The following KDM8 variants were observed in gnomAD, a reference collection of about 807,000 sequenced individuals.
The protein encoded by KDM8 is bifunctional peptidase and arginyl-hydroxylase JMJD5.
Under a neutral mutation model 46.9 loss-of-function variants are expected in KDM8, and 35 were observed. The ratio of observed to expected loss-of-function variants is 0.75; its 90% CI spans 0.57 to 0.99. The LOEUF (loss-of-function observed/expected upper bound fraction) is 0.99, where lower values mean the gene tolerates loss of function less well. Among genes scored for constraint, KDM8 ranks in the 50% least tolerant of loss-of-function variants. The pLI, the probability that KDM8 is intolerant of heterozygous loss-of-function variation, is 0.00. For missense variants in KDM8, 475 were observed against 537.0 expected (o/e 0.88, Z 1.14); for synonymous variants, 232 against 227.7 (o/e 1.02, Z -0.17).
Position 27,213,660 on chromosome 16 carries a change from C to T in KDM8, c.574C>T (p.Leu192Phe). ...AGTCCCCCGGCTGCACCGTCCGTCCCTCCAGCATTTCAGGGAGCAGTTTTT... is the reference window on the plus strand; with the variant it reads ...AGTCCCCCGGCTGCACCGTCCGTCCTTCCAGCATTTCAGGGAGCAGTTTTT... ...KTVPRLHRPSLQHFREQFLVP... is the reference protein window; with the variant it reads ...KTVPRLHRPSFQHFREQFLVP... Residue 192 changes from leucine to phenylalanine, a missense_variant, in exon 3 of 8, where the codon CTC (leucine) becomes TTC (phenylalanine). By Grantham distance (22) the Leu-to-Phe change is conservative. Transcript: ENST00000286096. 6.2e-7 allele frequency: 1 copy of T among 1,614,230 alleles called. No individual in the cohort carries two copies. Among genetic ancestry groups the T allele is most frequent in the South Asian group, 1.1e-5 (1 of 91,078 alleles).
Position 27,216,803 on chromosome 16 carries a change from G to A in KDM8, c.843+814G>A, listed in dbSNP as rs564429570. ...TGTCACTTGCTAAGTGAAGGAAAGG[G>A]GGATTCTAATTGATCAGGTCCCTAC... On this transcript the variant is annotated intron_variant, in intron 5 of 7. Transcript: ENST00000286096. 1.6e-3 allele frequency among the ~76,000 whole-genome samples: 250 copies of A among 152,214 alleles called. 1 individual carries two copies. Among genetic ancestry groups the A allele is most frequent in the South Asian group, 6.4e-3 (31 of 4,816 alleles).
chr16:27,204,290 C>T, intron 1 of KDM8: 11 of 1,396,650 alleles, frequency 7.9e-6, no homozygotes, highest in Non-Finnish European at 1.0e-5. Context: ...TAGGAATCGC[C>T]GTGCTCAGGA....
intron 6 of KDM8, 98 bp from the exon 7 acceptor site, chr16:27,220,295 C>A: frequency 2.1e-6 from 2 of 961,466 alleles, no homozygotes; most frequent in South Asian, 1.3e-5. Context: ...GCAGGCTGGG[C>A]CCAGGGAGCA....
chr16:27,213,473 G>A, intron 2 of KDM8, 112 bp from the exon 3 acceptor site: 1 of 1,014,940 alleles, frequency 9.9e-7, no homozygotes, highest in Admixed American at 2.2e-5. Context: ...TGTTGTTACT[G>A]GTACTCTTGA....
At chr16:27,207,782 T>A (rs1390125494) in intron 1 of KDM8, among the ~76,000 whole-genome samples, 1 of 152,174 alleles carries the variant, frequency 6.6e-6, no homozygotes, top group Non-Finnish European at 1.5e-5. Context: ...ACAGGGTCTT[T>A]ACATGTTGCC....
chr16:27,215,901 A>G (rs760435303), intron 4 of KDM8, 44 bp from the exon 5 acceptor site: 18 of 1,608,734 alleles, frequency 1.1e-5, no homozygotes, highest in South Asian at 6.6e-5. Flanking sequence ...TGTCATGACT[A>G]ACTGGGCTTT....
Position 27,210,484 on chromosome 16 carries a change from C to G in KDM8, c.361C>G (p.Arg121Gly), listed in dbSNP as rs1328426115. Residue 121 changes from arginine to glycine, a missense_variant, in exon 2 of 8, where the codon CGG (arginine) becomes GGG (glycine). Coordinates refer to ENST00000286096, the MANE Select transcript of KDM8 (RefSeq NM_024773.3). ...TGCCAACACTGTGGCCGCAGCCCTG[C>G]GGGTCTGTGACATGGGCCTGCTGAT... ...EDANTVAAALRVCDMGLLMGA... is the reference protein window; with the variant it reads ...EDANTVAAALGVCDMGLLMGA... The G allele has an allele frequency of 1.3e-6, 2 of 1,579,574 alleles. No individual in the cohort carries two copies. The highest frequency in any genetic ancestry group is 1.7e-4 in the Middle Eastern group (1 of 5,956).
chr16:27,220,177 TACCACTGC>T lies in KDM8; in HGVS notation c.994-213_994-206del, dbSNP rs1398740755. On this transcript the variant is annotated intron_variant, in intron 6 of 7. Coordinates refer to ENST00000286096, the MANE Select transcript of KDM8 (RefSeq NM_024773.3). ...TCGAGACTGCAGTGAGCCATGATCG[TACCACTGC>T]ACTCCAGCCTGGATGACCGAGTGAG... The T allele has an allele frequency of 8.8e-6, 5 of 570,790 alleles. No individual in the cohort carries two copies. In the East Asian group the frequency reaches 1.2e-4, roughly 14 times the overall value. 35.4% of individuals were successfully genotyped at this position (570,790 alleles called of 1,614,324 possible). A position where few individuals can be genotyped will look rare whatever the true frequency, so the allele number is the denominator to read the frequency against.
intron 1 of KDM8, among the ~76,000 whole-genome samples, chr16:27,209,480 G>C (rs1212096548): frequency 6.6e-6 from 1 of 152,228 alleles, no homozygotes; most frequent in African/African-American, 2.4e-5. Context: ...AATTGCCTCG[G>C]CCTCCCAAAG....
intron 1 of KDM8, among the ~76,000 whole-genome samples, chr16:27,206,977 C>T (rs2140961773): frequency 6.6e-6 from 1 of 152,314 alleles, no homozygotes; most frequent in East Asian, 1.9e-4. Context: ...CTGCTCCCAG[C>T]GGGGTAGATG....
At chr16:27,215,060 TA>T (rs2083534517) in intron 4 of KDM8, 52 bp downstream of exon 4, 7 of 1,596,652 alleles carry the variant, frequency 4.4e-6, no homozygotes, top group Non-Finnish European at 6.0e-6. Flanking sequence ...GAGAGCATAG[TA>T]CATTTAGGCA....
rs2083621018 is a variant in KDM8, at chr16:27,221,124, G to A, written c.*394G>A. The A allele has an allele frequency of 2.9e-6, 1 of 349,204 alleles. No homozygotes were observed. Among genetic ancestry groups the A allele is most frequent in the East Asian group, 7.4e-5 (1 of 13,536 alleles). The allele number at this position is 349,204 out of a possible 1,614,324, so 21.6% of individuals were successfully genotyped here. A position where few individuals can be genotyped will look rare whatever the true frequency, so the allele number is the denominator to read the frequency against. ...CCCGGCCGCGCTGTGCACCTGCTGG[G>A]TGACTTGGCCAGGATCCCCCACTTC... On this transcript the variant is annotated 3_prime_UTR_variant, in exon 8 of 8. Transcript: ENST00000286096.
chr16:27,210,148 G>A lies in KDM8; in HGVS notation c.25G>A (p.Ala9Thr), dbSNP rs551717222. The A allele has an allele frequency of 4.7e-5, 76 of 1,613,176 alleles. 1 individual carries two copies. Among genetic ancestry groups the A allele is most frequent in the African/African-American group, 1.5e-4 (11 of 75,048 alleles). Reference sequence around the variant, plus strand: ...GATGGCTGGAGACACCCACTGCCCCGCAGAGCCCCTGGCCAGAGAAGGCAC... The same window carrying A: ...GATGGCTGGAGACACCCACTGCCCCACAGAGCCCCTGGCCAGAGAAGGCAC... Reference protein sequence around the residue: MAGDTHCPAEPLAREGTLW... With the variant: MAGDTHCPTEPLAREGTLW... The change falls in exon 2 of 8, where the codon GCA becomes ACA. Residue 9 changes from alanine (A) to threonine (T), a missense_variant. Ala to Thr is a moderately conservative substitution (Grantham distance 58). Transcript: ENST00000286096.
chr16:27,218,623 A>G (rs1055236906), intron 5 of KDM8, among the ~76,000 whole-genome samples: 5 of 152,176 alleles, frequency 3.3e-5, no homozygotes, highest in South Asian at 2.1e-4. Flanking sequence ...GGGTGGATCA[A>G]TTAAGTCTAG....
In KDM8 at chr16:27,204,222, A is replaced by G. The variant is rs151217562; in HGVS notation, c.-32+586A>G. On this transcript the variant is annotated intron_variant, in intron 1 of 7. Coordinates refer to ENST00000286096, the MANE Select transcript of KDM8 (RefSeq NM_024773.3). ...CTGGGTGTGTGACTGCCCTAAGGAA[A>G]GGTGCTTGTAGCTCGGTAGGACTTA... The G allele has an allele frequency of 7.0e-3, 10,035 of 1,437,232 alleles. 39 individuals carry two copies. The highest frequency in any genetic ancestry group is 0.019 in the Middle Eastern group (77 of 4,042). 89.0% of individuals were successfully genotyped at this position (1,437,232 alleles called of 1,614,324 possible). A position where few individuals can be genotyped will look rare whatever the true frequency, so the allele number is the denominator to read the frequency against.
chr16:27,216,005 C>T lies in KDM8; in HGVS notation c.843+16C>T, dbSNP rs368380506. Reference sequence around the variant, plus strand: ...CTTTGACCAGGTAAGTCTGAGGCCACGCACCTCTGCCCCTCACCGTCTCAC... The same window carrying T: ...CTTTGACCAGGTAAGTCTGAGGCCATGCACCTCTGCCCCTCACCGTCTCAC... On this transcript the variant is annotated intron_variant, in intron 5 of 7. Transcript: ENST00000286096. 2.9e-5 allele frequency: 46 copies of T among 1,613,818 alleles called. No individual in the cohort carries two copies. The highest frequency in any genetic ancestry group is 1.6e-4 in the Middle Eastern group (1 of 6,082).
chr16:27,204,245 T>C (rs1374348547), intron 1 of KDM8: 3 of 1,413,430 alleles, frequency 2.1e-6, no homozygotes, highest in African/African-American at 3.0e-5. Context: ...TCGGTAGGAC[T>C]TAACGATGGG....
intron 2 of KDM8, chr16:27,211,039 G>A (rs148565173): frequency 3.2e-4 from 134 of 413,786 alleles, no homozygotes; most frequent in Middle Eastern, 1.5e-3. Flanking sequence ...GTGGCCTCCC[G>A]AAGCACTGAG....
chr16:27,215,063 A>G (rs2083534564), intron 4 of KDM8, 55 bp downstream of exon 4: 1 of 1,586,672 alleles, frequency 6.3e-7, no homozygotes, highest in Non-Finnish European at 8.6e-7. Context: ...AGCATAGTAC[A>G]TTTAGGCAAA....
Sources: allele counts gnomAD v4.1 joint callset (sites outside exome capture counted in the v4.1 genomes callset), GRCh38; gene constraint gnomAD v4.1.1; transcripts MANE v1.5; gene names NCBI Gene and HGNC (gene_info 2026-07-23, HGNC 2026-07-21).